GPM6A: variants seen among roughly 807,000 people sequenced by gnomAD.
The protein encoded by GPM6A is neuronal membrane glycoprotein M6-a.
GPM6A carries 7 observed loss-of-function variants against 32.1 expected under a neutral mutation model. The ratio of observed to expected loss-of-function variants is 0.22; its 90% CI spans 0.12 to 0.41. The LOEUF is 0.41. Ranked by LOEUF, GPM6A falls within the 10% of genes least tolerant of loss-of-function variation. GPM6A has a pLI of 1.00. For synonymous variants in GPM6A, 130 were observed against 123.4 expected (o/e 1.05, Z -0.35); for missense variants, 235 against 347.2 (o/e 0.68, Z 2.57).
intron 2 of GPM6A, 65 bp downstream of exon 2, chr4:175,701,510 T>C (rs1486028311): frequency 4.3e-6 from 5 of 1,156,934 alleles, no homozygotes; most frequent in Non-Finnish European, 6.4e-6. Context: ...AGGCCCCTAA[T>C]CATTTAACAC....
At chr4:175,908,718 T>G (rs1738208720) in intron 1 of GPM6A, among the ~76,000 whole-genome samples, 1 of 152,054 alleles carries the variant, frequency 6.6e-6, no homozygotes, top group African/African-American at 2.4e-5. Context: ...CAACAAAAAT[T>G]TAAAAGCTAT....
chr4:175,906,734 C>T (rs1738144016), intron 1 of GPM6A: 1 of 152,158 alleles, frequency 6.6e-6, no homozygotes, highest in Admixed American at 6.6e-5. Context: ...GCACATCTTT[C>T]CCTTCTCAGA....
intron 1 of GPM6A, among the ~76,000 whole-genome samples, chr4:175,877,833 A>C (rs1737133766): frequency 6.6e-6 from 1 of 152,172 alleles, no homozygotes; most frequent in South Asian, 2.1e-4. Context: ...AATTAACTCA[A>C]AAGTCAAAAT....
chr4:175,635,946 T>C (rs949300077), intron 6 of GPM6A, among the ~76,000 whole-genome samples: 5 of 151,932 alleles, frequency 3.3e-5, no homozygotes, highest in Non-Finnish European at 7.4e-5. Context: ...TGATAATTAG[T>C]AAACAGTACA....
intron 1 of GPM6A, among the ~76,000 whole-genome samples, chr4:175,963,365 ACC>A (rs1488455717): frequency 8.2e-6 from 1 of 122,606 alleles, no homozygotes; most frequent in Non-Finnish European, 1.7e-5. Context: ...ATCTAGGCAA[ACC>A]ATATTCAAAA....
chr4:175,747,178 G>A (rs1307490308), intron 1 of GPM6A, among the ~76,000 whole-genome samples: 2 of 150,384 alleles, frequency 1.3e-5, no homozygotes, highest in East Asian at 2.0e-4. Context: ...GCTGAGGCAG[G>A]AGAATCGCTT....
chr4:176,001,447 T>G (rs1741477401), intron 1 of GPM6A, among the ~76,000 whole-genome samples: 1 of 152,182 alleles, frequency 6.6e-6, no homozygotes, highest in East Asian at 1.9e-4. Flanking sequence ...CTCTTCGAGG[T>G]GACTCGTGGG....
At chr4:175,941,268 A>G (rs955478706) in intron 1 of GPM6A, among the ~76,000 whole-genome samples, 10 of 152,224 alleles carry the variant, frequency 6.6e-5, no homozygotes, top group Non-Finnish European at 1.2e-4. Context: ...AAAAATTGTT[A>G]AATGCATATT....
chr4:175,809,585 A>T (rs1402399386), intron 1 of GPM6A, among the ~76,000 whole-genome samples: 2 of 152,140 alleles, frequency 1.3e-5, no homozygotes, highest in Non-Finnish European at 2.9e-5. Context: ...TTTCAGTTTC[A>T]CATCAGGCAT....
At chr4:175,825,469 G>T (rs1052473105) in intron 1 of GPM6A, among the ~76,000 whole-genome samples, 4 of 152,098 alleles carry the variant, frequency 2.6e-5, no homozygotes, top group Admixed American at 2.6e-4. Context: ...CGCTCCCATG[G>T]TCTTTAGATT....
chr4:175,773,530 C>T (rs527523933), intron 1 of GPM6A, among the ~76,000 whole-genome samples: 1 of 152,218 alleles, frequency 6.6e-6, no homozygotes, highest in African/African-American at 2.4e-5. Context: ...ATTTATCAAA[C>T]TCTTTAAAAA....
In GPM6A at chr4:175,661,123, G is replaced by T. The variant is rs150579858; in HGVS notation, c.388-9136C>A. ...AAACACTAGAATGTTATCTTTCTAA[G>T]TCAGATGGAGAATTTAAACAATGTT... On this transcript the variant is annotated intron_variant, in intron 3 of 6. Coordinates refer to ENST00000393658, the MANE Select transcript of GPM6A (RefSeq NM_201591.3). Among the ~76,000 whole-genome samples, 812 of 152,234 alleles carry T rather than the reference G, an allele frequency of 5.3e-3. 1 individual carries two copies. Among genetic ancestry groups the T allele is most frequent in the Middle Eastern group, 0.014 (4 of 294 alleles).
At chr4:175,959,104 A>G (rs898139579) in intron 1 of GPM6A, among the ~76,000 whole-genome samples, 1 of 152,228 alleles carries the variant, frequency 6.6e-6, no homozygotes, top group Non-Finnish European at 1.5e-5. Flanking sequence ...AAATTATTCT[A>G]CAAAATCAAT....
chr4:175,784,727 A>ATG (rs144351244), intron 1 of GPM6A, among the ~76,000 whole-genome samples: 4 of 151,192 alleles, frequency 2.6e-5, no homozygotes, highest in South Asian at 2.1e-4. Flanking sequence ...GTGTGTGTGT[A>ATG]TGTGTGTGTG....
intron 1 of GPM6A, among the ~76,000 whole-genome samples, chr4:175,718,760 C>T (rs1453893215): frequency 6.6e-6 from 1 of 152,094 alleles, no homozygotes; most frequent in Admixed American, 6.6e-5. Context: ...GATCATCTAC[C>T]AGCACACTCC....
intron 1 of GPM6A, among the ~76,000 whole-genome samples, chr4:175,984,414 T>G (rs1444077072): frequency 6.6e-6 from 1 of 152,094 alleles, no homozygotes; most frequent in South Asian, 2.1e-4. Flanking sequence ...CTACCCACCT[T>G]GGCCTCCCAA....
At chr4:176,001,446 G>A (rs1303087264) in intron 1 of GPM6A, among the ~76,000 whole-genome samples, 1 of 152,188 alleles carries the variant, frequency 6.6e-6, no homozygotes, top group African/African-American at 2.4e-5. Context: ...GCTCTTCGAG[G>A]TGACTCGTGG....
At chr4:175,635,256 C>T (rs910817549) in intron 6 of GPM6A, among the ~76,000 whole-genome samples, 199 bp from the exon 7 acceptor site, 1 of 152,090 alleles carries the variant, frequency 6.6e-6, no homozygotes, top group Admixed American at 6.6e-5. Context: ...ATATTCTTGG[C>T]ACCATTTCTT....
intron 1 of GPM6A, among the ~76,000 whole-genome samples, chr4:175,974,973 C>T (rs1261041091): frequency 6.6e-6 from 1 of 152,142 alleles, no homozygotes; most frequent in Non-Finnish European, 1.5e-5. Context: ...CATGAGCCAC[C>T]GCACCTGGCC....
Sources: gnomAD v4.1 joint callset for allele counts (sites outside exome capture counted in the v4.1 genomes callset) on GRCh38, gnomAD v4.1.1 for gene constraint, MANE v1.5 for transcripts, NCBI Gene and HGNC (gene_info 2026-07-23, HGNC 2026-07-21) for gene names.